Variants in SH3RF3 observed in about 807,000 individuals in gnomAD.
SH3RF3 encodes E3 ubiquitin-protein ligase SH3RF3.
A neutral mutation model predicts 66.3 loss-of-function variants in SH3RF3; 29 were observed. The ratio of observed to expected loss-of-function variants is 0.44; its 90% CI spans 0.33 to 0.60. The LOEUF (loss-of-function observed/expected upper bound fraction) is 0.60, where lower values mean the gene tolerates loss of function less well. Ranked by LOEUF, SH3RF3 falls within the 20% of genes least tolerant of loss-of-function variation. The pLI is 0.04. For missense variants in SH3RF3, 1,194 were observed against 1,190.9 expected, an observed-to-expected ratio of 1.00 and a Z score of -0.04; for synonymous variants, 583 against 532.0, an observed-to-expected ratio of 1.10 and a Z score of -1.32.
At chr2:109,436,254 G>A (rs2104583785) in intron 6 of SH3RF3, among the ~76,000 whole-genome samples, 1 of 152,304 alleles carries the variant, frequency 6.6e-6, no homozygotes, top group Non-Finnish European at 1.5e-5. Flanking sequence ...TCACATCGCT[G>A]CCTCCAGGAC....
intron 8 of SH3RF3, among the ~76,000 whole-genome samples, chr2:109,461,680 G>A (rs996766216): frequency 2.0e-5 from 3 of 150,900 alleles, no homozygotes; most frequent in Middle Eastern, 3.4e-3. Flanking sequence ...GACCTGCGCG[G>A]TGATCCACCT....
chr2:109,462,541 C>T (rs543822112), intron 8 of SH3RF3, among the ~76,000 whole-genome samples: 1 of 152,232 alleles, frequency 6.6e-6, no homozygotes, highest in Admixed American at 6.5e-5. Flanking sequence ...AGAATCACCA[C>T]CCCTGTATCC....
At chr2:109,418,383 G>A (rs555201259) in intron 4 of SH3RF3, among the ~76,000 whole-genome samples, 1 of 152,294 alleles carries the variant, frequency 6.6e-6, no homozygotes, top group African/African-American at 2.4e-5. Flanking sequence ...CAGCTCTAGA[G>A]GTCGGAAGCC....
intron 8 of SH3RF3, among the ~76,000 whole-genome samples, chr2:109,487,613 A>C (rs1198842988): frequency 3.3e-5 from 5 of 152,218 alleles, no homozygotes; most frequent in Admixed American, 2.6e-4. Context: ...TCCAAAGCAG[A>C]CAGCTAAGGT....
intron 7 of SH3RF3, among the ~76,000 whole-genome samples, chr2:109,442,007 G>A (rs916465904): frequency 4.6e-5 from 7 of 150,540 alleles, no homozygotes; most frequent in African/African-American, 7.5e-5. Context: ...AAAAGATTTT[G>A]TCTCTAATAA....
chr2:109,463,385 C>T (rs1159295091), intron 8 of SH3RF3, among the ~76,000 whole-genome samples: 1 of 152,242 alleles, frequency 6.6e-6, no homozygotes, highest in East Asian at 1.9e-4. Flanking sequence ...CCCCCTTGCT[C>T]TGGGACCCAG....
intron 9 of SH3RF3, among the ~76,000 whole-genome samples, chr2:109,492,405 C>A (rs1461405430): frequency 6.6e-6 from 1 of 152,124 alleles, no homozygotes; most frequent in African/African-American, 2.4e-5. Context: ...CTTCTGCTAA[C>A]CAGTGAGAAC....
At chr2:109,500,755 C>T (rs1156301415) in intron 9 of SH3RF3, among the ~76,000 whole-genome samples, 3 of 152,080 alleles carry the variant, frequency 2.0e-5, no homozygotes, top group African/African-American at 7.2e-5. Flanking sequence ...TCAAGACCAG[C>T]CTGGGCAACA....
chr2:109,476,598 A>G (rs931976318), intron 8 of SH3RF3, among the ~76,000 whole-genome samples: 1 of 152,162 alleles, frequency 6.6e-6, no homozygotes, highest in African/African-American at 2.4e-5. Flanking sequence ...CCTCAAACAC[A>G]TGGTTATGAA....
intron 6 of SH3RF3, among the ~76,000 whole-genome samples, chr2:109,432,944 A>G (rs1185258037): frequency 6.6e-6 from 1 of 152,242 alleles, no homozygotes; most frequent in African/African-American, 2.4e-5. Context: ...AAGTCACCAG[A>G]ATGAGGTCTC....
intron 1 of SH3RF3, among the ~76,000 whole-genome samples, chr2:109,302,510 C>T (rs567745950): frequency 7.2e-5 from 11 of 152,350 alleles, no homozygotes; most frequent in Admixed American, 2.0e-4. Flanking sequence ...CTGCCTGCAC[C>T]GAAGATGCTC....
intron 7 of SH3RF3, among the ~76,000 whole-genome samples, chr2:109,444,990 C>A (rs1677667640): frequency 6.6e-6 from 1 of 152,052 alleles, no homozygotes; most frequent in African/African-American, 2.4e-5. Context: ...GAATCAGAAA[C>A]AACTGGATAT....
chr2:109,396,503 C>T (rs1049363549), intron 3 of SH3RF3, among the ~76,000 whole-genome samples: 1 of 152,230 alleles, frequency 6.6e-6, no homozygotes, highest in African/African-American at 2.4e-5. Context: ...CACGGAGCAG[C>T]CCTGTGATGG....
chr2:109,173,861 G>A (rs576856333), intron 1 of SH3RF3, among the ~76,000 whole-genome samples: 2 of 152,372 alleles, frequency 1.3e-5, no homozygotes, highest in East Asian at 3.9e-4. Flanking sequence ...TTCAGACTCA[G>A]CTCTTTTGCT....
chr2:109,355,738 A>G (rs939850178), intron 2 of SH3RF3, among the ~76,000 whole-genome samples: 1 of 152,144 alleles, frequency 6.6e-6, no homozygotes, highest in Non-Finnish European at 1.5e-5. Context: ...TGAAGCAGCA[A>G]CTTAACACGC....
At chr2:109,147,553 G>A (rs1320133567) in intron 1 of SH3RF3, among the ~76,000 whole-genome samples, 5 of 152,170 alleles carry the variant, frequency 3.3e-5, no homozygotes, top group South Asian at 2.1e-4. Flanking sequence ...ACATAGTACC[G>A]TAAATGGTCC....
intron 3 of SH3RF3, among the ~76,000 whole-genome samples, chr2:109,383,905 G>T (rs977521009): frequency 6.6e-6 from 1 of 152,064 alleles, no homozygotes; most frequent in Non-Finnish European, 1.5e-5. Flanking sequence ...CTACCACCCC[G>T]CTGAGTCTCC....
At chr2:109,425,231 G>A (rs1050117779) in intron 5 of SH3RF3, among the ~76,000 whole-genome samples, 7 of 152,212 alleles carry the variant, frequency 4.6e-5, no homozygotes, top group African/African-American at 7.2e-5. Context: ...AGCTAGCAGA[G>A]GTTGGTTCGT....
intron 1 of SH3RF3, among the ~76,000 whole-genome samples, chr2:109,291,506 C>T (rs747438673): frequency 1.3e-5 from 2 of 152,158 alleles, no homozygotes; most frequent in African/African-American, 4.8e-5. Flanking sequence ...GCACGTGCTG[C>T]GGAGGAGCGC....
Sources: gnomAD v4.1 joint callset for allele counts (sites outside exome capture counted in the v4.1 genomes callset) on GRCh38, gnomAD v4.1.1 for gene constraint, MANE v1.5 for transcripts, NCBI Gene and HGNC (gene_info 2026-07-23, HGNC 2026-07-21) for gene names.